Variants in PPFIBP1 observed in about 807,000 individuals in gnomAD.
PPFIBP1 encodes PPFIB scaffold protein 1.
A neutral mutation model predicts 137.8 loss-of-function variants in PPFIBP1; 112 were observed. That is an observed-to-expected ratio of 0.81 (90% CI 0.70 to 0.95). The LOEUF is 0.95. Among genes scored for constraint, PPFIBP1 ranks in the 40% least tolerant of loss-of-function variants. The pLI is 0.00. For missense variants in PPFIBP1, 1,083 were observed against 1,196.6 expected (o/e 0.91, Z 1.40); for synonymous variants, 378 against 417.3 (o/e 0.91, Z 1.15).
At chr12:27,616,310 A>ATTTT (rs11370764) in intron 2 of PPFIBP1, among the ~76,000 whole-genome samples, 1 of 143,566 alleles carries the variant, frequency 7.0e-6, no homozygotes. Context: ...TTGTTTGCAG[A>ATTTT]TTTTTTTTTT....
chr12:27,538,700 G>C (rs750138990), intron 1 of PPFIBP1, among the ~76,000 whole-genome samples: 3 of 152,124 alleles, frequency 2.0e-5, no homozygotes, highest in Admixed American at 6.5e-5. Flanking sequence ...CCTATACCAG[G>C]CTCCATGGAG....
intron 14 of PPFIBP1, among the ~76,000 whole-genome samples, chr12:27,672,057 C>A (rs143609801): frequency 9.2e-5 from 14 of 151,436 alleles, no homozygotes; most frequent in African/African-American, 3.4e-4. Flanking sequence ...GGTGACAGAG[C>A]GAGACTCTGT....
chr12:27,575,131 C>T (rs974143942), intron 1 of PPFIBP1, among the ~76,000 whole-genome samples: 2 of 152,160 alleles, frequency 1.3e-5, no homozygotes, highest in Non-Finnish European at 1.5e-5. Context: ...CAGATATAAA[C>T]ATTTTATACT....
At chr12:27,586,569 C>T (rs1446960323) in intron 2 of PPFIBP1, among the ~76,000 whole-genome samples, 22 of 152,052 alleles carry the variant, frequency 1.4e-4, no homozygotes, top group Admixed American at 4.6e-4. Flanking sequence ...TGGTTGTGTA[C>T]GCCTATAGTC....
At chr12:27,569,052 A>T (rs2049922913) in intron 1 of PPFIBP1, among the ~76,000 whole-genome samples, 1 of 151,912 alleles carries the variant, frequency 6.6e-6, no homozygotes, top group Non-Finnish European at 1.5e-5. Context: ...TCTCAGTTTT[A>T]CTCTTCCCTG....
chr12:27,616,325 T>TC (rs397711769), intron 2 of PPFIBP1, among the ~76,000 whole-genome samples: 1 of 151,132 alleles, frequency 6.6e-6, no homozygotes, highest in Non-Finnish European at 1.5e-5. Context: ...TTTTTTTTTT[T>TC]GGTTCTGTTT....
chr12:27,552,306 G>A (rs1383727027), intron 1 of PPFIBP1, among the ~76,000 whole-genome samples: 1 of 152,220 alleles, frequency 6.6e-6, no homozygotes, highest in Non-Finnish European at 1.5e-5. Flanking sequence ...TATTGTTAAT[G>A]AAGAGAATTG....
At chr12:27,668,164 C>T (rs2059975014) in intron 13 of PPFIBP1, among the ~76,000 whole-genome samples, 2 of 152,198 alleles carry the variant, frequency 1.3e-5, no homozygotes, top group South Asian at 4.1e-4. Flanking sequence ...TTTCCGAAGA[C>T]CCCTAAGTCC....
intron 7 of PPFIBP1, among the ~76,000 whole-genome samples, chr12:27,652,139 T>G (rs1012289974): frequency 5.9e-5 from 9 of 152,236 alleles, no homozygotes; most frequent in African/African-American, 2.2e-4. Context: ...TTAATAAAAA[T>G]ATTTTTCTGG....
chr12:27,581,374 G>A (rs1479553306), intron 2 of PPFIBP1, among the ~76,000 whole-genome samples: 3 of 152,216 alleles, frequency 2.0e-5, no homozygotes, highest in Admixed American at 6.5e-5. Context: ...GTACAAGAAT[G>A]AGGTGGGAGC....
chr12:27,536,816 T>G (rs1945075696), intron 1 of PPFIBP1, among the ~76,000 whole-genome samples: 1 of 152,194 alleles, frequency 6.6e-6, no homozygotes, highest in Non-Finnish European at 1.5e-5. Flanking sequence ...GGGTCTTTTC[T>G]GAGCATGGGG....
chr12:27,530,568 A>G (rs1342106858), intron 1 of PPFIBP1, among the ~76,000 whole-genome samples: 1 of 152,196 alleles, frequency 6.6e-6, no homozygotes, highest in Non-Finnish European at 1.5e-5. Context: ...GATGACTTGC[A>G]CTTCATGTGG....
chr12:27,624,327 A>G (rs1471558698), intron 2 of PPFIBP1, among the ~76,000 whole-genome samples: 2 of 152,238 alleles, frequency 1.3e-5, no homozygotes, highest in Non-Finnish European at 1.5e-5. Context: ...AGTCATAACA[A>G]TAGCTAGTAA....
chr12:27,654,565 T>C, intron 7 of PPFIBP1, 157 bp from the exon 8 acceptor site: 1 of 922,708 alleles, frequency 1.1e-6, no homozygotes, highest in South Asian at 3.6e-5. Flanking sequence ...GCCTTCGTTC[T>C]TAAGGAGGTA....
intron 4 of PPFIBP1, among the ~76,000 whole-genome samples, chr12:27,643,043 G>A (rs575149541): frequency 4.1e-4 from 62 of 151,910 alleles, no homozygotes; most frequent in African/African-American, 1.4e-3. Context: ...GAGATCAGGC[G>A]GTCGGTTAGC....
At chr12:27,648,648 C>T (rs2058691179) in intron 6 of PPFIBP1, among the ~76,000 whole-genome samples, 1 of 152,098 alleles carries the variant, frequency 6.6e-6, no homozygotes, top group Admixed American at 6.6e-5. Flanking sequence ...TACTTATACA[C>T]AATGGAGTAC....
chr12:27,691,206 T>A (rs962313037), intron 27 of PPFIBP1, among the ~76,000 whole-genome samples: 2 of 151,236 alleles, frequency 1.3e-5, no homozygotes, highest in African/African-American at 4.9e-5. Context: ...TATTCTATTT[T>A]GCTAATCTTA....
rs541825598 is a variant in PPFIBP1 at position 27,676,878 on chromosome 12, G to C, written c.1583-186G>C. ...TTCATCATGGAGTTTCCCATCTGTT[G>C]TGATAGTGGATAAATTAACATTGAC... On this transcript the variant is annotated intron_variant, in intron 18 of 29. Coordinates refer to ENST00000228425, the MANE Select transcript of PPFIBP1 (RefSeq NM_003622.4). The C allele has an allele frequency of 1.1e-4, 92 of 802,952 alleles. No homozygotes were observed. The highest frequency in any genetic ancestry group is 2.2e-4 in the Admixed American group (11 of 49,920). 49.7% of individuals were successfully genotyped at this position (802,952 alleles called of 1,614,324 possible). A position where few individuals can be genotyped will look rare whatever the true frequency, so the allele number is the denominator to read the frequency against.
chr12:27,683,892 A>G (rs2061036109), intron 24 of PPFIBP1, among the ~76,000 whole-genome samples: 2 of 151,694 alleles, frequency 1.3e-5, no homozygotes, highest in Admixed American at 1.3e-4. Flanking sequence ...GGTTCATGCC[A>G]TTCTCCTGCC....
Sources: gnomAD v4.1 joint callset for allele counts (sites outside exome capture counted in the v4.1 genomes callset) on GRCh38, gnomAD v4.1.1 for gene constraint, MANE v1.5 for transcripts, NCBI Gene and HGNC (gene_info 2026-07-23, HGNC 2026-07-21) for gene names.